RTN4: variants seen among roughly 807,000 people sequenced by gnomAD.
The protein encoded by RTN4 is reticulon-4.
In RTN4, 32 loss-of-function variants were observed where a neutral mutation model predicts 90.4. The observed-to-expected ratio is 0.35, with a 90% CI of 0.27 to 0.48. The LOEUF is 0.48. RTN4 is among the 20% of genes least tolerant of loss of function. The pLI, the probability that RTN4 is intolerant of heterozygous loss-of-function variation, is 0.99. For missense variants in RTN4, 1,706 were observed against 1,430.2 expected, an observed-to-expected ratio of 1.19 and a Z score of -3.11; for synonymous variants, 629 against 552.5, an observed-to-expected ratio of 1.14 and a Z score of -1.94.
In RTN4 at chr2:54,973,575, T is replaced by A; in HGVS notation, c.3524A>T (p.Asp1175Val). ...TTTAAATACTTACTTAGCCATAGCA[T>A]CTTTAACATTCTTATTTGCAAGTCC... is the stretch of plus-strand genomic sequence containing the variant. ...YLGLANKNVK[D>V]AMAKIQAKIP... Residue 1175 changes from aspartate to valine, a missense_variant, in exon 8 of 9, where the codon GAT (aspartate) becomes GTT (valine). Transcript: ENST00000337526. The A allele has an allele frequency of 6.2e-7, 1 of 1,608,378 alleles. No homozygotes were observed. Among genetic ancestry groups the A allele is most frequent in the Non-Finnish European group, 8.5e-7 (1 of 1,174,878 alleles).
At chr2:55,049,714 G>A (rs1380586299) in intron 1 of RTN4, 31 bp downstream of exon 1, 1 of 1,404,356 alleles carries the variant, frequency 7.1e-7, no homozygotes, top group Non-Finnish European at 9.3e-7. Flanking sequence ...GGCGCGAGGG[G>A]CGGCGCGAAG....
the RTN4 span, among the ~76,000 whole-genome samples, chr2:55,126,017 C>T: frequency 6.8e-6 from 1 of 147,966 alleles, no homozygotes; most frequent in South Asian, 2.1e-4. Flanking sequence ...GCCGAGATCA[C>T]GCCACTGCAC....
chr2:55,099,185 T>C (rs1667807379), intron 1 of RTN4, among the ~76,000 whole-genome samples: 1 of 152,096 alleles, frequency 6.6e-6, no homozygotes, highest in Non-Finnish European at 1.5e-5. Context: ...ACAGTTCATA[T>C]AAGGAAGGCA....
In RTN4 at chr2:55,050,198, C is replaced by T. The variant is rs1196722900; in HGVS notation, c.103G>A (p.Glu35Lys). Residue 35 changes from glutamate to lysine, a missense_variant, in exon 1 of 9, where the codon GAG becomes AAG. Transcript: ENST00000337526. This position sits in a 1 kb window ranked among gnomAD's most constrained non-coding sequence, Gnocchi z 4.6. ...YQFVREPEDE[E>K]EEEEEEEEDE... ...TCCTCTTCCTCCTCCTCTTCTTCCT[C>T]CTCGTCCTCGGGCTCCCTCACGAAC... The T allele has an allele frequency of 2.5e-6, 4 of 1,570,936 alleles. No individual in the cohort carries two copies. The highest frequency in any genetic ancestry group is 2.6e-6 in the Non-Finnish European group (3 of 1,163,026).
intron 5 of RTN4, among the ~76,000 whole-genome samples, chr2:54,977,412 T>C (rs1677726718): frequency 6.6e-6 from 1 of 151,602 alleles, no homozygotes; most frequent in African/African-American, 2.4e-5. Context: ...GGCCGTTTTT[T>C]TTTTTTTCTT....
At chr2:55,058,328 A>G (rs1339583455) in intron 2 of RTN4, among the ~76,000 whole-genome samples, 2 of 152,228 alleles carry the variant, frequency 1.3e-5, no homozygotes, top group Non-Finnish European at 2.9e-5. Flanking sequence ...TACCAAAACT[A>G]GGCTGAGATA....
chr2:55,082,459 A>C (rs1186231783), intron 1 of RTN4, among the ~76,000 whole-genome samples: 1 of 152,178 alleles, frequency 6.6e-6, no homozygotes, highest in Admixed American at 6.5e-5. Flanking sequence ...GGCCATCCCC[A>C]GCAAGCCCAG....
At chr2:55,008,573 G>T (rs1680405098) in intron 3 of RTN4, among the ~76,000 whole-genome samples, 1 of 151,972 alleles carries the variant, frequency 6.6e-6, no homozygotes, top group South Asian at 2.1e-4. Context: ...ACAAAGTGAG[G>T]CTCCCCAGAG....
chr2:54,987,037 A>G (rs1465446182), intron 4 of RTN4, among the ~76,000 whole-genome samples: 1 of 152,170 alleles, frequency 6.6e-6, no homozygotes, highest in East Asian at 1.9e-4. Flanking sequence ...ATTAAAAAGT[A>G]AAGCCTTAAG....
chr2:54,980,417 G>C (rs1678024058), intron 5 of RTN4, among the ~76,000 whole-genome samples: 1 of 152,086 alleles, frequency 6.6e-6, no homozygotes, highest in South Asian at 2.1e-4. Context: ...TTTGATTAAA[G>C]ACAAGTGGAA....
intron 3 of RTN4, among the ~76,000 whole-genome samples, chr2:55,004,320 T>G (rs531948952): frequency 2.0e-5 from 3 of 152,318 alleles, no homozygotes; most frequent in Non-Finnish European, 4.4e-5. Context: ...TTTCAATCTT[T>G]GGTTATTCAA....
intron 1 of RTN4, among the ~76,000 whole-genome samples, chr2:55,034,443 A>C (rs1366060407): frequency 6.6e-6 from 1 of 152,178 alleles, no homozygotes; most frequent in Non-Finnish European, 1.5e-5. Flanking sequence ...TTGAGGCTGC[A>C]GTGGGTTATG....
chr2:55,041,108 G>A (rs1390105406), intron 1 of RTN4, among the ~76,000 whole-genome samples: 36 of 144,624 alleles, frequency 2.5e-4, no homozygotes, highest in Middle Eastern at 3.6e-3. Flanking sequence ...AAATGAAAAA[G>A]CAGGAAGACT....
the RTN4 span, among the ~76,000 whole-genome samples, chr2:55,135,470 G>C: frequency 2.0e-5 from 3 of 152,232 alleles, no homozygotes; most frequent in Admixed American, 6.5e-5. Flanking sequence ...GCCTCCCAAA[G>C]TGCTGGGATT....
chr2:55,002,784 A>G (rs1679938983), intron 3 of RTN4, among the ~76,000 whole-genome samples: 1 of 152,048 alleles, frequency 6.6e-6, no homozygotes. Context: ...CACTTTAACG[A>G]TTTTTCAATT....
chr2:55,135,257 G>C, the RTN4 span, among the ~76,000 whole-genome samples: 6 of 146,902 alleles, frequency 4.1e-5, no homozygotes, highest in Admixed American at 4.1e-4. Flanking sequence ...ACCCAGGCTG[G>C]AGTGCAGTGG....
In RTN4 at chr2:54,982,782, G is replaced by C; in HGVS notation, c.3222-129C>G. On this transcript the variant is annotated intron_variant, in intron 4 of 8. Transcript: ENST00000337526. ...ATAAAAGCCAACTGTTTCCAAATTA[G>C]GGGCAATATAAAAACTCAGCAGTAA... 4 of 995,626 alleles carry C rather than the reference G, an allele frequency of 4.0e-6. No individual in the cohort carries two copies. The South Asian group carries it at 7.1e-5, about 18-fold the overall frequency. The allele number at this position is 995,626 out of a possible 1,614,324, so 61.7% of individuals were successfully genotyped here.
intron 1 of RTN4, among the ~76,000 whole-genome samples, chr2:55,107,125 T>A (rs1667957303): frequency 6.6e-6 from 1 of 151,778 alleles, no homozygotes. Flanking sequence ...AAGATATTAA[T>A]GAAACACTTC....
chr2:55,075,057 A>G lies in RTN4; in HGVS notation c.-63+5432T>C, dbSNP rs556093743. On this transcript the variant is annotated intron_variant, in intron 2 of 3. Coordinates refer to the RTN4 transcript ENST00000427710. ...CTCTTTCACCACTTGTGTTCAACAT[A>G]GTACTAGAAGTCCTAGCCAGAGCAA... Among the ~76,000 whole-genome samples the G allele has an allele frequency of 3.3e-5, 5 of 152,368 alleles. No individual in the cohort carries two copies. In the South Asian group the frequency reaches 1.0e-3, roughly 32 times the overall value.
Sources: allele counts gnomAD v4.1 joint callset (sites outside exome capture counted in the v4.1 genomes callset), GRCh38; gene constraint gnomAD v4.1.1; non-coding constraint Gnocchi (gnomAD v3.1); transcripts MANE v1.5; gene names NCBI Gene and HGNC (gene_info 2026-07-23, HGNC 2026-07-21).